The following IL2RA variants were observed in gnomAD, a reference collection of about 807,000 sequenced individuals.
IL2RA encodes the protein interleukin-2 receptor subunit alpha.
A neutral mutation model predicts 37.8 loss-of-function variants in IL2RA; 24 were observed. That is an observed-to-expected ratio of 0.63 (90% CI 0.46 to 0.89). The LOEUF (loss-of-function observed/expected upper bound fraction) is 0.89. IL2RA is among the 40% of genes least tolerant of loss of function. The pLI, the probability that IL2RA is intolerant of heterozygous loss-of-function variation, is 0.00. For missense variants in IL2RA, 319 were observed against 348.6 expected, an observed-to-expected ratio of 0.92 and a Z score of 0.68; for synonymous variants, 125 against 114.6, an observed-to-expected ratio of 1.09 and a Z score of -0.58.
chr10:6,062,180 A>T lies in IL2RA; in HGVS notation c.-29T>A. ...CCTGACCCTTGGGACCAGCCGGGGCAGTGAAGCGGAGGTCTTTCTCTGCAG... is the reference window on the plus strand; with the variant it reads ...CCTGACCCTTGGGACCAGCCGGGGCTGTGAAGCGGAGGTCTTTCTCTGCAG... On this transcript the variant is annotated 5_prime_UTR_variant, in exon 1 of 8. Coordinates refer to ENST00000379959, the MANE Select transcript of IL2RA (RefSeq NM_000417.3). 3.1e-6 allele frequency: 5 copies of T among 1,597,454 alleles called. No individual in the cohort carries two copies. Among genetic ancestry groups the T allele is most frequent in the Non-Finnish European group, 4.3e-6 (5 of 1,165,014 alleles).
At chr10:6,031,477 T>TATAC (rs1839582450) in intron 1 of IL2RA, among the ~76,000 whole-genome samples, 3 of 31,292 alleles carry the variant, frequency 9.6e-5, no homozygotes, top group African/African-American at 1.8e-4. Flanking sequence ...TATATATATA[T>TATAC]ATATATATAT....
At position 6,056,044 on chromosome 10, in the gene IL2RA, A is replaced by T. The variant is rs1368043771; in HGVS notation, c.64+6044T>A. Among the ~76,000 whole-genome samples the T allele has an allele frequency of 6.6e-6, 1 of 152,242 alleles. No homozygotes were observed. Among genetic ancestry groups the T allele is most frequent in the Non-Finnish European group, 1.5e-5 (1 of 68,048 alleles). ...CAAACCACGGAGTCGCCTTGAGATC[A>T]GTCAAAACACTGAGTAATCTTAGAG... On this transcript the variant is annotated intron_variant, in intron 1 of 7. Transcript: ENST00000379959. The surrounding 1 kb of genome is among the most constrained non-coding windows in gnomAD (Gnocchi z 5.0).
At chr10:6,017,974 G>T (rs942538301) in intron 7 of IL2RA, 79 bp downstream of exon 7, 8 of 1,100,872 alleles carry the variant, frequency 7.3e-6, no homozygotes, top group Admixed American at 5.9e-5. Context: ...GAGCATGGAG[G>T]GGGTAGGGGG....
rs1376573325 is a variant in IL2RA at position 6,025,763 on chromosome 10, C to T, written c.256+71G>A. ...ATTTGTGTCTATAGGGCTGAGTGAA[C>T]AAAAGCTGGGCTCTGTCTCACTCTT... On this transcript the variant is annotated intron_variant, in intron 2 of 7. Transcript: ENST00000379959. The surrounding 1 kb of genome is among the most constrained non-coding windows in gnomAD (Gnocchi z 4.4). 2.0e-6 allele frequency: 3 copies of T among 1,469,546 alleles called. No individual in the cohort carries two copies. The African/African-American group carries it at 4.2e-5, about 20-fold the overall frequency. 91.0% of individuals were successfully genotyped at this position (1,469,546 alleles called of 1,614,324 possible). A position where few individuals can be genotyped will look rare whatever the true frequency, so the allele number is the denominator to read the frequency against.
intron 3 of IL2RA, among the ~76,000 whole-genome samples, chr10:6,023,179 T>C (rs1462008683): frequency 6.6e-6 from 1 of 152,240 alleles, no homozygotes; most frequent in Middle Eastern, 3.2e-3. Flanking sequence ...TTCCTGGTCC[T>C]GACTCATTGT....
chr10:6,012,749 C>T lies in IL2RA; in HGVS notation c.*123G>A, dbSNP rs549892288. On this transcript the variant is annotated 3_prime_UTR_variant, in exon 8 of 8. Coordinates refer to ENST00000379959, the MANE Select transcript of IL2RA (RefSeq NM_000417.3). This position sits in a 1 kb window ranked among gnomAD's most constrained non-coding sequence, Gnocchi z 4.8. ...TGATGTGACTTCAGAGCTTCCAAAA[C>T]GCAGGCAAGCACAACGGATGTCTCC... 487 of 1,019,088 alleles carry T rather than the reference C, an allele frequency of 4.8e-4. 8 individuals carry two copies. In the South Asian group the frequency reaches 5.0e-3, roughly 10 times the overall value. The allele number at this position is 1,019,088 out of a possible 1,614,324, so 63.1% of individuals were successfully genotyped here.
chr10:6,027,634 C>A (rs1250386737), intron 1 of IL2RA, among the ~76,000 whole-genome samples: 1 of 152,110 alleles, frequency 6.6e-6, no homozygotes, highest in Non-Finnish European at 1.5e-5. Flanking sequence ...ATGATTATAG[C>A]AAATAATATA....
chr10:6,048,777 C>T lies in IL2RA; in HGVS notation c.64+13311G>A, dbSNP rs1246213061. Among the ~76,000 whole-genome samples, 1 of 152,234 alleles carries T rather than the reference C, an allele frequency of 6.6e-6. No homozygotes were observed. Among genetic ancestry groups the T allele is most frequent in the Non-Finnish European group, 1.5e-5 (1 of 68,042 alleles). ...CAATGCTGTCTCTCCAAAGTACAAG[C>T]CATGCCCTGACTGAGACCCCTCTGG... On this transcript the variant is annotated intron_variant, in intron 1 of 7. Transcript: ENST00000379959. This position sits in a 1 kb window ranked among gnomAD's most constrained non-coding sequence, Gnocchi z 5.3.
chr10:6,061,223 C>G (rs2209106), intron 1 of IL2RA, among the ~76,000 whole-genome samples: 5 of 152,150 alleles, frequency 3.3e-5, no homozygotes, highest in Middle Eastern at 3.4e-3. Context: ...AACCCCATCT[C>G]TACAAAAAAA....
rs542241385 is a variant in IL2RA, at chr10:6,036,969, C to G, written c.65-10944G>C. On this transcript the variant is annotated intron_variant, in intron 1 of 7. Transcript: ENST00000379959. This position sits in a 1 kb window ranked among gnomAD's most constrained non-coding sequence, Gnocchi z 6.1. ...TGAGGCTATTTCTAACAAGCTCCTA[C>G]ATGATGCTGGGGCTGCAGAGCCCCA... 3.5e-4 allele frequency among the ~76,000 whole-genome samples: 54 copies of G among 152,284 alleles called. No individual in the cohort carries two copies. The highest frequency in any genetic ancestry group is 2.1e-3 in the South Asian group (10 of 4,828).
rs189484236 is a variant in IL2RA at position 6,061,046 on chromosome 10, A to G, written c.64+1042T>C. The stretch of plus-strand genomic sequence containing the variant: ...GACATTATTAGAAAATTCACACTCA[A>G]TTAGGAAGAGTGGTTTGAGGTAGAA... On this transcript the variant is annotated intron_variant, in intron 1 of 7. Transcript: ENST00000379959. Among the ~76,000 whole-genome samples, 614 of 152,266 alleles carry G rather than the reference A, an allele frequency of 4.0e-3. 23 individuals carry two copies. In the South Asian group the frequency reaches 0.084, roughly 21 times the overall value.
chr10:6,031,494 G>A (rs7068397), intron 1 of IL2RA, among the ~76,000 whole-genome samples: 845 of 27,106 alleles, frequency 0.031, 30 homozygotes, highest in African/African-American at 0.062. Context: ...ATATATATAT[G>A]TATATATATA....
Position 6,011,031 on chromosome 10 carries a change from G to A in IL2RA, c.*1841C>T, listed in dbSNP as rs1839184085. ...TGCACAGATGAGTCTGTTTGTATGTGGTTGGTCACAGAAATGACAGAAAAT... is the reference window on the plus strand; with the variant it reads ...TGCACAGATGAGTCTGTTTGTATGTAGTTGGTCACAGAAATGACAGAAAAT... On this transcript the variant is annotated 3_prime_UTR_variant, in exon 8 of 8. Transcript: ENST00000379959. The surrounding 1 kb of genome is among the most constrained non-coding windows in gnomAD (Gnocchi z 5.2). The A allele has an allele frequency of 6.6e-6, 1 of 152,244 alleles. No individual in the cohort carries two copies. The highest frequency in any genetic ancestry group is 2.4e-5 in the African/African-American group (1 of 41,412). The allele number at this position is 152,244 out of a possible 1,614,324, so 9.4% of individuals were successfully genotyped here.
Position 6,046,403 on chromosome 10 carries a change from G to A in IL2RA, c.64+15685C>T, listed in dbSNP as rs557911324. 1.4e-4 allele frequency among the ~76,000 whole-genome samples: 22 copies of A among 152,260 alleles called. No homozygotes were observed. Among genetic ancestry groups the A allele is most frequent in the Non-Finnish European group, 2.4e-4 (16 of 68,024 alleles). ...ACAGCATCATAAAAGTGTCAAATCC[G>A]TGTGTTCACAGATGCTACCCCAGAC... On this transcript the variant is annotated intron_variant, in intron 1 of 7. Transcript: ENST00000379959. This position sits in a 1 kb window ranked among gnomAD's most constrained non-coding sequence, Gnocchi z 4.8.
intron 1 of IL2RA, among the ~76,000 whole-genome samples, chr10:6,045,856 A>G (rs1329698142): frequency 6.6e-6 from 1 of 152,220 alleles, no homozygotes; most frequent in African/African-American, 2.4e-5. Context: ...ACTTACAGGT[A>G]GAAACTTGAC....
At chr10:6,041,047 G>A (rs957076741) in intron 1 of IL2RA, among the ~76,000 whole-genome samples, 3 of 152,146 alleles carry the variant, frequency 2.0e-5, no homozygotes, top group Admixed American at 1.3e-4. Context: ...CTGGAACTGG[G>A]AGAGATGTTA....
At chr10:6,051,595 C>A (rs1839959975) in intron 1 of IL2RA, among the ~76,000 whole-genome samples, 1 of 145,462 alleles carries the variant, frequency 6.9e-6, no homozygotes, top group Admixed American at 6.8e-5. Flanking sequence ...TCTCGGCTCA[C>A]TGCAACCTCA....
At position 6,018,667 on chromosome 10, in the gene IL2RA, C is replaced by T. The variant is rs12722587; in HGVS notation, c.728-548G>A. Among the ~76,000 whole-genome samples the T allele has an allele frequency of 0.18, 27,579 of 152,050 alleles. 2,618 individuals are homozygous for T. The highest frequency in any genetic ancestry group is 0.23 in the African/African-American group (9,390 of 41,448). On this transcript the variant is annotated intron_variant, in intron 6 of 7. Transcript: ENST00000379959. The surrounding 1 kb of genome is among the most constrained non-coding windows in gnomAD (Gnocchi z 5.1). The stretch of plus-strand genomic sequence containing the variant: ...CCACTCTTGACCCCTGGCAGAGGCC[C>T]GGGGTACAGCCCTTCCAGATCAGCT...
rs1010330631 is a variant in IL2RA, at chr10:6,025,782, C to T, written c.256+52G>A. On this transcript the variant is annotated intron_variant, in intron 2 of 7. Transcript: ENST00000379959. The surrounding 1 kb of genome is among the most constrained non-coding windows in gnomAD (Gnocchi z 4.4). ...AGTGAACAAAAGCTGGGCTCTGTCTCACTCTTTGCTGCAGTTCTTTTGTTC... is the reference window on the plus strand; with the variant it reads ...AGTGAACAAAAGCTGGGCTCTGTCTTACTCTTTGCTGCAGTTCTTTTGTTC... The T allele has an allele frequency of 4.4e-5, 68 of 1,561,874 alleles. No homozygotes were observed. Among genetic ancestry groups the T allele is most frequent in the Middle Eastern group, 1.8e-4 (1 of 5,650 alleles).
Sources: gnomAD v4.1 joint callset for allele counts (sites outside exome capture counted in the v4.1 genomes callset) on GRCh38, gnomAD v4.1.1 for gene constraint, Gnocchi (gnomAD v3.1) non-coding constraint, MANE v1.5 for transcripts, NCBI Gene and HGNC (gene_info 2026-07-23, HGNC 2026-07-21) for gene names.